The following SP140L variants were observed in gnomAD, a reference collection of about 807,000 sequenced individuals.
The protein encoded by SP140L is nuclear body protein SP140-like protein.
SP140L carries 64 observed loss-of-function variants against 84.3 expected under a neutral mutation model. That is an observed-to-expected ratio of 0.76 (90% CI 0.62 to 0.94). SP140L has a LOEUF of 0.94. Ranked by LOEUF, SP140L falls within the 40% of genes least tolerant of loss-of-function variation. The probability of loss-of-function intolerance (pLI) is 0.00; values close to 1 mark genes in which losing one functional copy is unlikely to be tolerated. For missense variants in SP140L, 628 were observed against 692.5 expected (o/e 0.91, Z 1.05); for synonymous variants, 242 against 236.9 (o/e 1.02, Z -0.20).
At chr2:230,368,949 T>G (rs568692864) in intron 5 of SP140L, among the ~76,000 whole-genome samples, 1 of 152,250 alleles carries the variant, frequency 6.6e-6, no homozygotes, top group African/African-American at 2.4e-5. Flanking sequence ...CAGTTTGTTA[T>G]CTTCATTGCT....
At chr2:230,383,442 A>G in intron 7 of SP140L, 68 bp from the exon 8 acceptor site, 1 of 1,477,974 alleles carries the variant, frequency 6.8e-7, no homozygotes, top group Non-Finnish European at 9.1e-7. Context: ...GTATACTACT[A>G]GCATATAAAG....
intron 5 of SP140L, among the ~76,000 whole-genome samples, chr2:230,362,852 G>A (rs968172277): frequency 4.0e-5 from 6 of 151,468 alleles, no homozygotes; most frequent in Non-Finnish European, 7.4e-5. Flanking sequence ...AACATAAAAC[G>A]CAAATGAGGA....
Position 230,328,758 on chromosome 2 carries a change from G to C in SP140L, c.34G>C (p.Gly12Arg), listed in dbSNP as rs775620291. 1 of 1,611,860 alleles carries C rather than the reference G, an allele frequency of 6.2e-7. No individual in the cohort carries two copies. Among genetic ancestry groups the C allele is most frequent in the South Asian group, 1.1e-5 (1 of 90,712 alleles). The change falls in exon 2 of 19, where the codon GGG (glycine) becomes CGG (arginine). Residue 12 changes from glycine (G) to arginine (R), a missense_variant and splice_region_variant. Transcript: ENST00000415673. ...GATCCTGCCAAATTGTCTTTTTAGG[G>C]GGCTGAACGGAGGTGTTTCACAAGT... ...AGGGSDLSTR[G>R]LNGGVSQVAN...
chr2:230,398,343 C>A (rs913885054), intron 14 of SP140L, among the ~76,000 whole-genome samples: 1 of 151,960 alleles, frequency 6.6e-6, no homozygotes, highest in African/African-American at 2.4e-5. Context: ...TACAGCCAGG[C>A]CAACAACTAA....
chr2:230,399,554 G>T (rs563463612), intron 14 of SP140L, among the ~76,000 whole-genome samples: 1 of 152,250 alleles, frequency 6.6e-6, no homozygotes, highest in East Asian at 1.9e-4. Flanking sequence ...TGCTCCCTGT[G>T]GCCCACCTGG....
chr2:230,369,548 T>C (rs1485962152), intron 5 of SP140L, among the ~76,000 whole-genome samples: 3 of 152,164 alleles, frequency 2.0e-5, no homozygotes, highest in Non-Finnish European at 4.4e-5. Context: ...GGAAACATAG[T>C]TCAGGCACTA....
At chr2:230,372,248 G>A (rs12694847) in intron 7 of SP140L, 78,060 of 152,846 alleles carry the variant, frequency 0.51, 20,612 homozygotes, top group Non-Finnish European at 0.58. Context: ...AGAGTAATAC[G>A]GATTTTAGTA....
At position 230,392,069 on chromosome 2, in the gene SP140L, G is replaced by A. The variant is rs2061835002; in HGVS notation, c.965-18G>A. The stretch of plus-strand genomic sequence containing the variant: ...GGGAACAAAGAGGGCTCAGGATCAA[G>A]TTACCCTGGTCTTACAGGAACCTTG... On this transcript the variant is annotated intron_variant, in intron 11 of 18. Coordinates refer to ENST00000415673, the MANE Select transcript of SP140L (RefSeq NM_138402.6). 4 of 1,613,654 alleles carry A rather than the reference G, an allele frequency of 2.5e-6. No individual in the cohort carries two copies. In the East Asian group the frequency reaches 8.9e-5, roughly 36 times the overall value.
chr2:230,328,816 G>A lies in SP140L; in HGVS notation c.92G>A (p.Ser31Asn). The A allele has an allele frequency of 6.2e-7, 1 of 1,610,432 alleles. No homozygotes were observed. The highest frequency in any genetic ancestry group is 8.5e-7 in the Non-Finnish European group (1 of 1,177,892). Residue 31 changes from serine (S) to asparagine (N), a missense_variant, in exon 2 of 19, where the codon AGC becomes AAC. Coordinates refer to ENST00000415673, the MANE Select transcript of SP140L (RefSeq NM_138402.6). The stretch of plus-strand genomic sequence containing the variant: ...GAGATGAACCATCTTCCTGCACACA[G>A]CCAAAGTCTGCAAAGGTGATGAAGA... Reference protein sequence around the residue: ...ANEMNHLPAHSQSLQRLFTED... With the variant: ...ANEMNHLPAHNQSLQRLFTED...
chr2:230,333,093 G>T (rs908329385), intron 2 of SP140L, among the ~76,000 whole-genome samples: 1 of 151,736 alleles, frequency 6.6e-6, no homozygotes, highest in Admixed American at 6.6e-5. Context: ...TAAATGTATA[G>T]TTTGGAAATT....
At chr2:230,359,945 TACCAAACTAAA>T (rs2060662623) in intron 4 of SP140L, among the ~76,000 whole-genome samples, 3 of 131,852 alleles carry the variant, frequency 2.3e-5, no homozygotes, top group African/African-American at 1.0e-4. Context: ...ATTGGTGCTA[TACCAAACTAAA>T]GTTTGGTATT....
chr2:230,397,390 G>T (rs1338542015), intron 14 of SP140L, among the ~76,000 whole-genome samples: 1 of 152,160 alleles, frequency 6.6e-6, no homozygotes, highest in Non-Finnish European at 1.5e-5. Flanking sequence ...AGCCATTAGG[G>T]TGCTGAGCTG....
Position 230,400,219 on chromosome 2 carries a change from C to T in SP140L, c.1290C>T (p.His430=), listed in dbSNP as rs201303885. ...TCSRVFHEDC[H]IPPVESEKTP... ...CAAGAGTCTTCCATGAGGACTGCCACATCCCACCTGTGGAAAGTGAGAAGT... is the reference window on the plus strand; with the variant it reads ...CAAGAGTCTTCCATGAGGACTGCCATATCCCACCTGTGGAAAGTGAGAAGT... The change falls in exon 15 of 19, where the codon CAC becomes CAT. Residue 430 remains histidine, a synonymous_variant. Transcript: ENST00000415673. 44 of 1,614,184 alleles carry T rather than the reference C, an allele frequency of 2.7e-5. No homozygotes were observed. In the Admixed American group the frequency reaches 6.8e-4, roughly 25 times the overall value.
chr2:230,382,508 CTAAT>C (rs1216950786), intron 7 of SP140L, among the ~76,000 whole-genome samples: 1 of 152,106 alleles, frequency 6.6e-6, no homozygotes, highest in African/African-American at 2.4e-5. Context: ...TCTTTTTCTC[CTAAT>C]TGTCTCTTTT....
chr2:230,389,838 G>T, intron 10 of SP140L, 81 bp from the exon 11 acceptor site: 1 of 1,316,278 alleles, frequency 7.6e-7, no homozygotes, highest in Non-Finnish European at 1.1e-6. Flanking sequence ...TACTCTTTGT[G>T]CCTTTATAGG....
intron 6 of SP140L, among the ~76,000 whole-genome samples, 174 bp downstream of exon 6, chr2:230,371,141 A>G (rs1457189413): frequency 6.6e-6 from 1 of 152,244 alleles, no homozygotes; most frequent in Admixed American, 6.5e-5. Flanking sequence ...TTACTTATCA[A>G]GATGGGCTCT....
chr2:230,338,112 TC>T (rs1191051769), intron 2 of SP140L, among the ~76,000 whole-genome samples: 1 of 135,064 alleles, frequency 7.4e-6, no homozygotes, highest in Non-Finnish European at 1.6e-5. Context: ...CGATATTGAT[TC>T]TTCCTACCCA....
At chr2:230,359,320 G>T (rs1398320482) in intron 4 of SP140L, among the ~76,000 whole-genome samples, 188 bp downstream of exon 4, 11 of 152,114 alleles carry the variant, frequency 7.2e-5, no homozygotes, top group African/African-American at 2.7e-4. Flanking sequence ...ACATCTGGAG[G>T]TCTGCTTCAC....
At chr2:230,345,077 T>A (rs1025308968) in intron 2 of SP140L, among the ~76,000 whole-genome samples, 1 of 152,246 alleles carries the variant, frequency 6.6e-6, no homozygotes, top group Non-Finnish European at 1.5e-5. Context: ...GATTCATCTG[T>A]CATTGTTAAG....
Sources: allele counts gnomAD v4.1 joint callset (sites outside exome capture counted in the v4.1 genomes callset), GRCh38; gene constraint gnomAD v4.1.1; transcripts MANE v1.5; gene names NCBI Gene and HGNC (gene_info 2026-07-23, HGNC 2026-07-21).